Variants in ADAR observed in about 807,000 individuals in gnomAD.
ADAR encodes the protein adenosine deaminase RNA specific.
ADAR carries 41 observed loss-of-function variants against 113.2 expected under a neutral mutation model. The ratio of observed to expected loss-of-function variants is 0.36; its 90% CI spans 0.28 to 0.47. The LOEUF (loss-of-function observed/expected upper bound fraction) is 0.47, where lower values mean the gene tolerates loss of function less well. Ranked by LOEUF, ADAR falls within the 20% of genes least tolerant of loss-of-function variation. The pLI, the probability that ADAR is intolerant of heterozygous loss-of-function variation, is 1.00. For synonymous variants in ADAR, 605 were observed against 572.6 expected, an observed-to-expected ratio of 1.06 and a Z score of -0.81; for missense variants, 1,242 against 1,540.9, an observed-to-expected ratio of 0.81 and a Z score of 3.25.
At chr1:154,607,733 GCACA>G (rs551880161) in intron 1 of ADAR, among the ~76,000 whole-genome samples, 15 of 74,894 alleles carry the variant, frequency 2.0e-4, no homozygotes, top group East Asian at 4.1e-4. Flanking sequence ...ACACACACAC[GCACA>G]CACACACACA....
intron 9 of ADAR, 75 bp downstream of exon 9, chr1:154,589,294 G>C (rs761850027): frequency 1.0e-5 from 12 of 1,192,546 alleles, no homozygotes; most frequent in Non-Finnish European, 1.4e-5. Flanking sequence ...CAGAGGCCGT[G>C]TCAGAGCCAT....
intron 1 of ADAR, among the ~76,000 whole-genome samples, chr1:154,621,817 C>T (rs1005317227): frequency 2.0e-5 from 3 of 152,186 alleles, no homozygotes; most frequent in African/African-American, 7.2e-5. Context: ...AGCACTACAA[C>T]AGAGTACTGC....
intron 1 of ADAR, among the ~76,000 whole-genome samples, chr1:154,617,040 T>C (rs1375000862): frequency 6.6e-6 from 1 of 152,252 alleles, no homozygotes; most frequent in Non-Finnish European, 1.5e-5. Flanking sequence ...GCCAGTGGAC[T>C]GGACTTCTAC....
chr1:154,607,959 C>G (rs1449611938), intron 1 of ADAR, 33 bp downstream of exon 1: 1 of 1,611,544 alleles, frequency 6.2e-7, no homozygotes, highest in South Asian at 1.1e-5. Context: ...CGAACCCAGA[C>G]GGCGGCGAAG....
chr1:154,584,958 G>A lies in ADAR; in HGVS notation c.3529C>T (p.Leu1177=), dbSNP rs2101557381. The A allele has an allele frequency of 6.2e-7, 1 of 1,614,190 alleles. No homozygotes were observed. Among genetic ancestry groups the A allele is most frequent in the East Asian group, 2.2e-5 (1 of 44,886 alleles). The change falls in exon 15 of 15, where the codon CTA becomes TTA. Residue 1177 remains leucine (L), a synonymous_variant. Transcript: ENST00000368474. ...KLCSFRYRRD[L]LRLSYGEAKK... is the part of the protein sequence containing the mutation. ...GCCTCACCATAGGAGAGTCTCAGTA[G>A]ATCCCTGCGGTAACGGAAGGAGCAG...
At position 154,588,222 on chromosome 1, in the gene ADAR, C is replaced by G; in HGVS notation, c.2922G>C (p.Lys974Asn). The part of the protein sequence containing the change: ...APCGDGALFD[K>N]SCSDRAMEST... ...TTTCCATAGCACGGTCGCTGCAGGA[C>G]TTGTCAAAGAGGGCGCCATCTCCAC... is the stretch of plus-strand genomic sequence containing the variant. The change falls in exon 11 of 15, where the codon AAG becomes AAC. Residue 974 changes from lysine (K) to asparagine (N), a missense_variant. Lys to Asn is a moderately conservative substitution (Grantham distance 94, BLOSUM62 0). Coordinates refer to ENST00000368474, the MANE Select transcript of ADAR (RefSeq NM_001111.5). 2 of 1,614,082 alleles carry G rather than the reference C, an allele frequency of 1.2e-6. No homozygotes were observed. The highest frequency in any genetic ancestry group is 1.7e-6 in the Non-Finnish European group (2 of 1,180,024).
chr1:154,582,403 CAA>C lies in ADAR; in HGVS notation c.*2401_*2402del, dbSNP rs1197289141. On this transcript the variant is annotated 3_prime_UTR_variant, in exon 15 of 15. Transcript: ENST00000368474. ...AGGGAGGGTCACTGCTTATTAAAAA[CAA>C]AAGACTGGACAAAGAAAGTGAAGAT... 3.9e-5 allele frequency: 6 copies of C among 152,110 alleles called. No homozygotes were observed. Among genetic ancestry groups the C allele is most frequent in the Non-Finnish European group, 7.4e-5 (5 of 68,018 alleles). 9.4% of individuals were successfully genotyped at this position (152,110 alleles called of 1,614,324 possible).
chr1:154,589,308 G>T, intron 9 of ADAR, 61 bp downstream of exon 9: 1 of 1,329,180 alleles, frequency 7.5e-7, no homozygotes, highest in African/African-American at 1.4e-5. Flanking sequence ...GAGCCATGTG[G>T]GGCAGGGAAC....
At chr1:154,621,910 A>G (rs1288278573) in intron 1 of ADAR, among the ~76,000 whole-genome samples, 1 of 152,186 alleles carries the variant, frequency 6.6e-6, no homozygotes, top group Non-Finnish European at 1.5e-5. Flanking sequence ...CTCTATTTGT[A>G]GGAGAAGTAC....
rs897749525 is a variant in ADAR, at chr1:154,623,639, C to T, written c.-871+4216G>A. Among the ~76,000 whole-genome samples the T allele has an allele frequency of 9.2e-5, 14 of 152,256 alleles. 1 individual carries two copies. Among genetic ancestry groups the T allele is most frequent in the African/African-American group, 2.4e-4 (10 of 41,546 alleles). On this transcript the variant is annotated intron_variant, in intron 1 of 14. Transcript: ENST00000368471. ...CTTGTCAGCAATGGTTAATTTACAA[C>T]GCTAAAAGACAGCCATCAGGTCATA...
At position 154,596,963 on chromosome 1, in the gene ADAR, G is replaced by A. The variant is rs1271172893; in HGVS notation, c.2112C>T (p.Asn704=). 1 of 1,614,188 alleles carries A rather than the reference G, an allele frequency of 6.2e-7. No individual in the cohort carries two copies. The highest frequency in any genetic ancestry group is 1.7e-5 in the Admixed American group (1 of 60,030). ...PEGMISESLD[N]LESMMPNKVR... ...CCTTGTTGGGCATCATGGATTCCAA[G>A]TTATCAAGTGACTCTGAGATCATAC... The change falls in exon 6 of 15, where the codon AAC becomes AAT. Residue 704 remains asparagine, a synonymous_variant. Coordinates refer to ENST00000368474, the MANE Select transcript of ADAR (RefSeq NM_001111.5).
Position 154,585,199 on chromosome 1 carries a change from G to A in ADAR, c.3443+18C>T, listed in dbSNP as rs1264173758. 1.3e-5 allele frequency: 21 copies of A among 1,614,078 alleles called. No homozygotes were observed. The highest frequency in any genetic ancestry group is 1.7e-5 in the Non-Finnish European group (20 of 1,180,012). On this transcript the variant is annotated intron_variant, in intron 14 of 14. Coordinates refer to ENST00000368474, the MANE Select transcript of ADAR (RefSeq NM_001111.5). ...AGGGCAGAGGCTTGGTCCTCACTGC[G>A]CTCTCCTGTCTCCTTACCCATCCAC...
At chr1:154,585,629 G>T in intron 13 of ADAR, 124 bp downstream of exon 13, 2 of 961,194 alleles carry the variant, frequency 2.1e-6, no homozygotes, top group Non-Finnish European at 3.2e-6. Context: ...TGTGGGCAAT[G>T]TTCCCTTGTG....
rs773609252 is a variant in ADAR at position 154,588,578 on chromosome 1, T to A, written c.2858A>T (p.Lys953Met). The change falls in exon 10 of 15, where the codon AAG becomes ATG. Residue 953 changes from lysine to methionine, a missense_variant. Lys to Met is a moderately conservative substitution (Grantham distance 95, BLOSUM62 -1). Around this residue, in one of 2 missense-constraint regions of ADAR, gnomAD observed 780 missense variants for 1,057.9 expected, o/e 0.74. Transcript: ENST00000368474. ...AKGGEKLQIK[K>M]TVSFHLYIST... is the part of the protein sequence containing the mutation. ...GATATACAGATGGAATGACACAGTC[T>A]TTTTTATTTGGAGCTTTTCTCCTCC... 2 of 1,614,126 alleles carry A rather than the reference T, an allele frequency of 1.2e-6. No individual in the cohort carries two copies. Among genetic ancestry groups the A allele is most frequent in the South Asian group, 2.2e-5 (2 of 91,086 alleles).
intron 6 of ADAR, 78 bp from the exon 7 acceptor site, chr1:154,590,487 G>A: frequency 7.2e-7 from 1 of 1,393,368 alleles, no homozygotes. Context: ...TTTTGCTGAA[G>A]ATGTGGCCAG....
chr1:154,584,766 C>T lies in ADAR; in HGVS notation c.*40G>A. On this transcript the variant is annotated 3_prime_UTR_variant, in exon 15 of 15. Coordinates refer to ENST00000368474, the MANE Select transcript of ADAR (RefSeq NM_001111.5). ...TGCTACGACCTACCTCTCTCACACCCTAGTATGACACACCCTAATCCATCT... is the reference window on the plus strand; with the variant it reads ...TGCTACGACCTACCTCTCTCACACCTTAGTATGACACACCCTAATCCATCT... The T allele has an allele frequency of 2.0e-6, 3 of 1,528,434 alleles. No homozygotes were observed. The South Asian group carries it at 3.4e-5, about 17-fold the overall frequency. 94.7% of individuals were successfully genotyped at this position (1,528,434 alleles called of 1,614,324 possible).
chr1:154,597,706 T>C (rs918042148), intron 4 of ADAR, 122 bp downstream of exon 4: 20 of 1,359,328 alleles, frequency 1.5e-5, no homozygotes, highest in Non-Finnish European at 1.9e-5. Context: ...AGAGCCCTCC[T>C]TTCCCCATTT....
At chr1:154,585,716 G>C in intron 13 of ADAR, 37 bp downstream of exon 13, 3 of 1,555,108 alleles carry the variant, frequency 1.9e-6, no homozygotes, top group Non-Finnish European at 2.7e-6. Context: ...TTGAAAAGGA[G>C]GAAAATGTCA....
At position 154,583,450 on chromosome 1, in the gene ADAR, G is replaced by T. The variant is rs532686988; in HGVS notation, c.*1356C>A. The T allele has an allele frequency of 6.6e-6, 1 of 152,246 alleles. No homozygotes were observed. The highest frequency in any genetic ancestry group is 6.5e-5 in the Admixed American group (1 of 15,294). The allele number at this position is 152,246 out of a possible 1,614,324, so 9.4% of individuals were successfully genotyped here. On this transcript the variant is annotated 3_prime_UTR_variant, in exon 15 of 15. Transcript: ENST00000368474. ...GCCAGACTCCACAGAGAGGCCAAAG[G>T]CTCTGAACACACGAGTCAATGTTCA...
Sources: gnomAD v4.1 joint callset for allele counts (sites outside exome capture counted in the v4.1 genomes callset) on GRCh38, gnomAD v4.1.1 for gene constraint, gnomAD v4.1.1 regional missense constraint, MANE v1.5 for transcripts, NCBI Gene and HGNC (gene_info 2026-07-23, HGNC 2026-07-21) for gene names.